CD99: variants seen among roughly 807,000 people sequenced by gnomAD.
The protein encoded by CD99 is CD99 molecule (Xg blood group), also known as CD99 antigen.
In CD99, 19 loss-of-function variants were observed where a neutral mutation model predicts 28.4. That is an observed-to-expected ratio of 0.67 (90% CI 0.47 to 0.98). The LOEUF (loss-of-function observed/expected upper bound fraction) is 0.98, where lower values mean the gene tolerates loss of function less well. Among genes scored for constraint, CD99 ranks in the 50% least tolerant of loss-of-function variants. The probability of loss-of-function intolerance (pLI) is 0.00; values close to 1 mark genes in which losing one functional copy is unlikely to be tolerated. For synonymous variants in CD99, 103 were observed against 92.1 expected (o/e 1.12, Z -0.67); for missense variants, 283 against 248.8 (o/e 1.14, Z -0.92).
chrX:2,709,435 CATAT>C (rs1218461367), intron 1 of CD99, among the ~76,000 whole-genome samples: 1 of 152,234 alleles, frequency 6.6e-6, no homozygotes, highest in Non-Finnish European at 1.5e-5. Context: ...AACAAATGCA[CATAT>C]ATATTCATGC....
chrX:2,725,583 C>A (rs761815243), intron 7 of CD99, among the ~76,000 whole-genome samples: 1 of 152,264 alleles, frequency 6.6e-6, no homozygotes, highest in East Asian at 1.9e-4. Context: ...GCTCCTTCCT[C>A]CAGGTTTGAT....
At chrX:2,714,909 A>AAT in intron 2 of CD99, 7 of 156,136 alleles carry the variant, frequency 4.5e-5, no homozygotes. Flanking sequence ...AGGAAAAGCA[A>AAT]GATGCCCTTG....
intron 1 of CD99, among the ~76,000 whole-genome samples, chrX:2,696,080 T>A (rs1437690299): frequency 6.6e-6 from 1 of 152,248 alleles, no homozygotes; most frequent in Non-Finnish European, 1.5e-5. Flanking sequence ...GGAAGTGGCT[T>A]GGATTCTAGC....
chrX:2,702,403 G>T (rs1367206015), intron 1 of CD99, among the ~76,000 whole-genome samples: 4 of 151,786 alleles, frequency 2.6e-5, no homozygotes, highest in Admixed American at 6.6e-5. Context: ...GAGGGGAAGA[G>T]ATTTTAAATT....
intron 8 of CD99, among the ~76,000 whole-genome samples, chrX:2,732,809 T>C (rs940393765): frequency 5.4e-5 from 8 of 149,040 alleles, no homozygotes; most frequent in Non-Finnish European, 1.0e-4. Context: ...TTCCTTTCTT[T>C]TTTTCCTCTC....
chrX:2,701,382 G>A (rs2047856106), intron 1 of CD99, among the ~76,000 whole-genome samples: 1 of 152,088 alleles, frequency 6.6e-6, no homozygotes, highest in Non-Finnish European at 1.5e-5. Flanking sequence ...CCTGTTTTTT[G>A]TTCTCTGCTT....
At chrX:2,717,263 G>T (rs748278243) in intron 2 of CD99, 4 of 222,934 alleles carry the variant, frequency 1.8e-5, no homozygotes, top group Non-Finnish European at 3.5e-5. Context: ...CAGGAGAATC[G>T]CTTGAACCCA....
At chrX:2,713,214 A>C (rs1480114648) in intron 1 of CD99, among the ~76,000 whole-genome samples, 1 of 151,404 alleles carries the variant, frequency 6.6e-6, no homozygotes, top group Non-Finnish European at 1.5e-5. Context: ...CCACACATAC[A>C]TGCATCCATA....
At chrX:2,740,447 A>G (rs1339096338) in intron 9 of CD99, among the ~76,000 whole-genome samples, 5 of 152,178 alleles carry the variant, frequency 3.3e-5, no homozygotes, top group African/African-American at 1.2e-4. Context: ...GCAAATCAAT[A>G]AAAACTGCAC....
At chrX:2,692,310 A>C (rs1238510604) in intron 1 of CD99, 1 of 236,602 alleles carries the variant, frequency 4.2e-6, no homozygotes, top group Non-Finnish European at 8.3e-6. Flanking sequence ...GCTTTTAAGT[A>C]GACCGGCTTG....
At chrX:2,722,846 G>A (rs2049064563) in intron 6 of CD99, 172 bp downstream of exon 6, 2 of 223,096 alleles carry the variant, frequency 9.0e-6, no homozygotes, top group Admixed American at 6.5e-5. Context: ...GATGTGGGAA[G>A]TAAAGGCTGC....
intron 2 of CD99, among the ~76,000 whole-genome samples, chrX:2,715,882 A>C (rs1465055210): frequency 6.6e-5 from 10 of 152,104 alleles, no homozygotes. Flanking sequence ...ATTAGGACCT[A>C]TCCTAATCTA....
intron 1 of CD99, among the ~76,000 whole-genome samples, chrX:2,698,674 C>T (rs2047691576): frequency 6.6e-6 from 1 of 152,188 alleles, no homozygotes; most frequent in Non-Finnish European, 1.5e-5. Context: ...GTTCTGTCGC[C>T]CAGGCTGGTG....
chrX:2,696,453 T>C (rs2047578324), intron 1 of CD99, among the ~76,000 whole-genome samples: 1 of 152,142 alleles, frequency 6.6e-6, no homozygotes, highest in Non-Finnish European at 1.5e-5. Flanking sequence ...CAGGCTGGAG[T>C]GCGATGGTGC....
intron 8 of CD99, among the ~76,000 whole-genome samples, chrX:2,728,673 G>T (rs913566575): frequency 2.6e-5 from 4 of 152,120 alleles, no homozygotes; most frequent in African/African-American, 9.7e-5. Flanking sequence ...AAACAGTAGG[G>T]ACTCAATGGA....
chrX:2,733,375 G>A (rs1312178679), intron 8 of CD99: 2 of 1,592,680 alleles, frequency 1.3e-6, no homozygotes, highest in South Asian at 2.3e-5. Flanking sequence ...AGACCTAGGG[G>A]TGAGCAGAGA....
At chrX:2,736,039 A>G (rs1365548513) in intron 8 of CD99, among the ~76,000 whole-genome samples, 3 of 151,842 alleles carry the variant, frequency 2.0e-5, no homozygotes, top group African/African-American at 7.3e-5. Context: ...CGTCTCTACT[A>G]AAAATACAAA....
chrX:2,733,244 C>G, intron 8 of CD99: 1 of 1,141,112 alleles, frequency 8.8e-7, no homozygotes, highest in South Asian at 1.3e-5. Context: ...CTCAGAGCAG[C>G]TCTTTCTAAC....
intron 7 of CD99, among the ~76,000 whole-genome samples, chrX:2,724,240 TCTA>T (rs1210394944): frequency 1.3e-5 from 2 of 152,182 alleles, no homozygotes; most frequent in East Asian, 3.8e-4. Flanking sequence ...AGAGTTAATG[TCTA>T]CTATGTCACT....
Sources: allele counts gnomAD v4.1 joint callset (sites outside exome capture counted in the v4.1 genomes callset), GRCh38; gene constraint gnomAD v4.1.1; transcripts MANE v1.5; gene names NCBI Gene and HGNC (gene_info 2026-07-23, HGNC 2026-07-21).